MYH11: variants seen among roughly 807,000 people sequenced by gnomAD.
The protein encoded by MYH11 is myosin heavy chain 11, also known as myosin-11.
In MYH11, 80 loss-of-function variants were observed where a neutral mutation model predicts 246.6. That is an observed-to-expected ratio of 0.32 (90% confidence interval 0.27 to 0.39). MYH11 has a LOEUF of 0.39. Among genes scored for constraint, MYH11 ranks in the 10% least tolerant of loss-of-function variants. MYH11 has a pLI of 1.00. For synonymous variants in MYH11, 1,071 were observed against 1,015.5 expected (o/e 1.05, Z -1.04); for missense variants, 2,158 against 2,546.8 (o/e 0.85, Z 3.29).
chr16:15,817,518 A>AC (rs2043290935), intron 3 of MYH11, among the ~76,000 whole-genome samples: 2 of 150,406 alleles, frequency 1.3e-5, no homozygotes, highest in African/African-American at 5.0e-5. Context: ...CTCAAAAAAA[A>AC]AGGGGGGGAG....
chr16:15,799,217 G>A (rs1048782265), intron 3 of MYH11, among the ~76,000 whole-genome samples: 3 of 151,988 alleles, frequency 2.0e-5, no homozygotes, highest in Admixed American at 6.6e-5. Flanking sequence ...CACCCCTACC[G>A]TCATGTACAG....
chr16:15,837,369 G>T (rs886773740), intron 2 of MYH11, among the ~76,000 whole-genome samples: 27 of 152,162 alleles, frequency 1.8e-4, no homozygotes, highest in African/African-American at 5.8e-4. Flanking sequence ...ACATGGGATT[G>T]TCACACCTCC....
chr16:15,731,135 C>A (rs1382590963), intron 27 of MYH11, among the ~76,000 whole-genome samples: 1 of 152,202 alleles, frequency 6.6e-6, no homozygotes, highest in African/African-American at 2.4e-5. Flanking sequence ...TTCCTCCAGT[C>A]TGCAGAGAAA....
chr16:15,742,076 G>A, intron 20 of MYH11, 185 bp from the exon 21 acceptor site: 1 of 838,922 alleles, frequency 1.2e-6, no homozygotes, highest in Non-Finnish European at 1.9e-6. Context: ...CATCCAGTGG[G>A]TAGAGGCCAG....
At chr16:15,745,261 G>C (rs1041922212) in intron 19 of MYH11, 24 bp from the exon 20 acceptor site, 3 of 1,560,594 alleles carry the variant, frequency 1.9e-6, no homozygotes, top group Non-Finnish European at 2.6e-6. Flanking sequence ...AAGAGAAGGT[G>C]CGGGGGTCAT....
At chr16:15,762,131 C>T (rs866537278) in intron 10 of MYH11, among the ~76,000 whole-genome samples, 3 of 152,176 alleles carry the variant, frequency 2.0e-5, no homozygotes, top group Non-Finnish European at 2.9e-5. Context: ...CCTGCCACTA[C>T]GCCTGGCTAA....
chr16:15,842,778 A>G (rs2044089777), intron 1 of MYH11, among the ~76,000 whole-genome samples: 1 of 149,704 alleles, frequency 6.7e-6, no homozygotes, highest in Admixed American at 6.6e-5. Context: ...AAAAAAAAAA[A>G]AAAAAAAAAA....
chr16:15,779,015 G>A, intron 6 of MYH11, 172 bp from the exon 7 acceptor site: 1 of 704,222 alleles, frequency 1.4e-6, no homozygotes, highest in East Asian at 2.7e-5. Context: ...AACATCTGCT[G>A]AGCTGAAACC....
intron 1 of MYH11, among the ~76,000 whole-genome samples, chr16:15,840,335 A>G (rs569457522): frequency 6.6e-6 from 1 of 152,344 alleles, no homozygotes; most frequent in African/African-American, 2.4e-5. Flanking sequence ...AAATGTCATT[A>G]TATAGGAAGT....
intron 40 of MYH11, 104 bp from the exon 41 acceptor site, chr16:15,704,227 T>A: frequency 7.1e-7 from 1 of 1,412,132 alleles, no homozygotes; most frequent in South Asian, 1.2e-5. Context: ...CCTATTGCAA[T>A]ATAAATTTTT....
chr16:15,746,861 G>A (rs1387542221), intron 19 of MYH11, among the ~76,000 whole-genome samples: 1 of 152,200 alleles, frequency 6.6e-6, no homozygotes, highest in Non-Finnish European at 1.5e-5. Context: ...GCCAAGGCAG[G>A]TGGATCACTT....
In MYH11 at chr16:15,837,891, C is replaced by A. The variant is rs778067610; in HGVS notation, c.345+17G>T. ...TATGAGGCCAGGAGTAGGTACCTGG[C>A]TGCCTGCAATACTCACATATATTAG... On this transcript the variant is annotated intron_variant, in intron 2 of 40. Transcript: ENST00000300036. The A allele has an allele frequency of 6.2e-7, 1 of 1,608,546 alleles. No homozygotes were observed.
chr16:15,759,490 C>A, intron 12 of MYH11, 86 bp downstream of exon 12: 1 of 1,571,828 alleles, frequency 6.4e-7, no homozygotes, highest in South Asian at 1.1e-5. Context: ...CATCTACATG[C>A]CTTTCTCCAA....
intron 4 of MYH11, among the ~76,000 whole-genome samples, chr16:15,787,047 G>A (rs747594063): frequency 1.3e-5 from 2 of 152,168 alleles, no homozygotes; most frequent in Non-Finnish European, 2.9e-5. Flanking sequence ...TGAGGTGGGA[G>A]GATCATTTGA....
chr16:15,742,642 G>A (rs1806436813), intron 20 of MYH11, among the ~76,000 whole-genome samples: 1 of 151,928 alleles, frequency 6.6e-6, no homozygotes, highest in Non-Finnish European at 1.5e-5. Flanking sequence ...GAGGCAGGAA[G>A]ATCGCTTGAA....
chr16:15,781,405 C>T (rs551278820), intron 6 of MYH11, among the ~76,000 whole-genome samples: 43 of 152,264 alleles, frequency 2.8e-4, no homozygotes, highest in African/African-American at 1.0e-3. Flanking sequence ...TCAGGGACCA[C>T]CATGTGCATT....
At chr16:15,720,410 C>T in intron 33 of MYH11, 98 bp from the exon 34 acceptor site, 1 of 1,483,934 alleles carries the variant, frequency 6.7e-7, no homozygotes, top group South Asian at 1.2e-5. Flanking sequence ...CCCAGCACAG[C>T]CCCCTTGTGA....
At chr16:15,757,441 G>A (rs529983004) in intron 13 of MYH11, among the ~76,000 whole-genome samples, 28 of 147,360 alleles carry the variant, frequency 1.9e-4, no homozygotes, top group African/African-American at 5.5e-4. Context: ...GCAGGGAGGT[G>A]GAGGTTGCAG....
At chr16:15,814,368 C>T (rs2043210158) in intron 3 of MYH11, among the ~76,000 whole-genome samples, 1 of 151,680 alleles carries the variant, frequency 6.6e-6, no homozygotes, top group Non-Finnish European at 1.5e-5. Flanking sequence ...GCCTGACCAA[C>T]ATGGTTGAAC....
Sources: allele counts gnomAD v4.1 joint callset (sites outside exome capture counted in the v4.1 genomes callset), GRCh38; gene constraint gnomAD v4.1.1; transcripts MANE v1.5; gene names NCBI Gene and HGNC (gene_info 2026-07-23, HGNC 2026-07-21).